The following MDGA1 variants were observed in gnomAD, a reference collection of about 807,000 sequenced individuals.
The protein encoded by MDGA1 is MAM domain-containing glycosylphosphatidylinositol anchor protein 1.
In MDGA1, 54 loss-of-function variants were observed where a neutral mutation model predicts 101.5. The ratio of observed to expected loss-of-function variants is 0.53; its 90% CI spans 0.43 to 0.67. MDGA1 has a LOEUF of 0.67. Ranked by LOEUF, MDGA1 falls within the 30% of genes least tolerant of loss-of-function variation. The pLI is 0.00. For synonymous variants in MDGA1, 533 were observed against 558.3 expected (o/e 0.95, Z 0.64); for missense variants, 1,083 against 1,323.8 (o/e 0.82, Z 2.82).
intron 1 of MDGA1, among the ~76,000 whole-genome samples, chr6:37,681,477 C>T (rs893448025): frequency 1.3e-5 from 2 of 152,116 alleles, no homozygotes; most frequent in East Asian, 1.9e-4. Context: ...GGAGGGGCAG[C>T]GAGATAAAGG....
chr6:37,683,572 G>A (rs1360364882), intron 1 of MDGA1, among the ~76,000 whole-genome samples: 2 of 152,246 alleles, frequency 1.3e-5, no homozygotes, highest in African/African-American at 4.8e-5. Context: ...GCCTGTGTGT[G>A]CAGTGGTTTA....
Position 37,637,045 on chromosome 6 carries a change from T to A in MDGA1, c.*323A>T. The A allele has an allele frequency of 4.2e-6, 1 of 239,854 alleles. No individual in the cohort carries two copies. The highest frequency in any genetic ancestry group is 1.3e-3 in the Middle Eastern group (1 of 782). The allele number at this position is 239,854 out of a possible 1,614,324, so 14.9% of individuals were successfully genotyped here. A position where few individuals can be genotyped will look rare whatever the true frequency, so the allele number is the denominator to read the frequency against. ...CCTATGTTGCGCCGAGGTCCCTGGG[T>A]TGGCGGATGCCATTCAGGCAAGTCC... is the stretch of plus-strand genomic sequence containing the variant. On this transcript the variant is annotated 3_prime_UTR_variant, in exon 17 of 17. Coordinates refer to ENST00000434837, the MANE Select transcript of MDGA1 (RefSeq NM_153487.4).
At chr6:37,639,966 G>A (rs1433772568) in intron 14 of MDGA1, 1 of 152,164 alleles carries the variant, frequency 6.6e-6, no homozygotes, top group Admixed American at 6.5e-5. Context: ...TTTAATTATT[G>A]GAACTGATAG....
At position 37,649,111 on chromosome 6, in the gene MDGA1, GAAC is replaced by G. The variant is rs915125445; in HGVS notation, c.1762_1764del (p.Val588del). 146 of 1,520,846 alleles carry G rather than the reference GAAC, an allele frequency of 9.6e-5. No individual in the cohort carries two copies. The highest frequency in any genetic ancestry group is 1.2e-4 in the Non-Finnish European group (137 of 1,137,328). 94.2% of individuals were successfully genotyped at this position (1,520,846 alleles called of 1,614,324 possible). A position where few individuals can be genotyped will look rare whatever the true frequency, so the allele number is the denominator to read the frequency against. On this transcript the variant is annotated inframe_deletion, in exon 9 of 17. Coordinates refer to ENST00000434837, the MANE Select transcript of MDGA1 (RefSeq NM_153487.4). ...TGATCCGGCGCCTCGGCGGCGGCGG[GAAC>G]AACAGGCGGCGGCGGCAGCAGCTGC...
At chr6:37,686,544 A>G (rs1283336119) in intron 1 of MDGA1, among the ~76,000 whole-genome samples, 1 of 151,574 alleles carries the variant, frequency 6.6e-6, no homozygotes, top group Non-Finnish European at 1.5e-5. Context: ...CTCCTGCCTC[A>G]GCCTCCCGAG....
intron 1 of MDGA1, among the ~76,000 whole-genome samples, chr6:37,682,074 A>C (rs971485468): frequency 6.6e-6 from 1 of 152,232 alleles, no homozygotes; most frequent in Non-Finnish European, 1.5e-5. Flanking sequence ...TGCAAATGAG[A>C]ATCTAGATCT....
intron 14 of MDGA1, 51 bp downstream of exon 14, chr6:37,643,758 T>C (rs1021778159): frequency 6.2e-7 from 1 of 1,606,456 alleles, no homozygotes; most frequent in African/African-American, 1.3e-5. Flanking sequence ...CCCACTCCCC[T>C]CCCATCCTCC....
intron 1 of MDGA1, among the ~76,000 whole-genome samples, chr6:37,689,281 C>T (rs1004486289): frequency 2.0e-5 from 3 of 152,230 alleles, no homozygotes; most frequent in Non-Finnish European, 2.9e-5. Flanking sequence ...ATGGTTTCAA[C>T]CCACATCCTT....
chr6:37,639,334 C>T (rs1357514187), intron 14 of MDGA1: 1 of 152,332 alleles, frequency 6.6e-6, no homozygotes, highest in Non-Finnish European at 1.5e-5. Flanking sequence ...CTGGATGTAT[C>T]GGATTTGCCC....
In MDGA1 at chr6:37,655,828, T is replaced by G. The variant is rs779428172; in HGVS notation, c.451A>C (p.Lys151Gln). The G allele has an allele frequency of 2.5e-6, 4 of 1,613,614 alleles. No homozygotes were observed. The highest frequency in any genetic ancestry group is 3.4e-6 in the Non-Finnish European group (4 of 1,179,814). ...SDVRGNFYQE[K>Q]TVFLRCTVNS... ...ACAGTACAGCGCAGGAACACCGTCT[T>G]CTCCTGGTAGAAGTTGCCTCGCACA... Residue 151 changes from lysine to glutamine, a missense_variant, in exon 4 of 17, where the codon AAG becomes CAG. Coordinates refer to ENST00000434837, the MANE Select transcript of MDGA1 (RefSeq NM_153487.4). The surrounding 1 kb of genome is among the most constrained non-coding windows in gnomAD (Gnocchi z 5.1).
rs1442058063 is a variant in MDGA1 at position 37,667,291 on chromosome 6, G to T, written c.68-3185C>A. On this transcript the variant is annotated intron_variant, in intron 1 of 16. Coordinates refer to ENST00000434837, the MANE Select transcript of MDGA1 (RefSeq NM_153487.4). ...TCCAGGTGACCATCCTGCCTGCCTG[G>T]CTGCCACAGAGGAATGAACCTGGCT... is the stretch of plus-strand genomic sequence containing the variant. Among the ~76,000 whole-genome samples the T allele has an allele frequency of 7.9e-5, 12 of 152,324 alleles. 1 individual carries two copies. In the East Asian group the frequency reaches 2.3e-3, roughly 29 times the overall value.
In MDGA1 at chr6:37,650,138, C is replaced by T. The variant is rs746200439; in HGVS notation, c.1580G>A (p.Arg527His). ...CACGTTCAGCTGCACCTGGGCCTCA[C>T]GGGGGCGCACGTTGAAGCCATTATA... ...ARYNGFNVRP[R>H]EAQVQLNVQF... The change falls in exon 8 of 17, where the codon CGT becomes CAT. Residue 527 changes from arginine to histidine, a missense_variant. Physicochemically the swap from Arg to His is conservative, Grantham distance 29 (BLOSUM62 0). This residue lies in a region of MDGA1 where 657 missense variants were observed against 771.4 expected (regional missense o/e 0.85). Transcript: ENST00000434837. 3.1e-6 allele frequency: 5 copies of T among 1,606,198 alleles called. No homozygotes were observed. The highest frequency in any genetic ancestry group is 1.1e-5 in the South Asian group (1 of 90,788).
chr6:37,678,802 C>G (rs1762034954), intron 1 of MDGA1, among the ~76,000 whole-genome samples: 1 of 151,918 alleles, frequency 6.6e-6, no homozygotes, highest in South Asian at 2.1e-4. Flanking sequence ...CCCGCCCGCC[C>G]CCACCTCCAT....
At chr6:37,690,772 C>CA (rs11388608) in intron 1 of MDGA1, among the ~76,000 whole-genome samples, 38,122 of 128,110 alleles carry the variant, frequency 0.3, 5,659 homozygotes, top group East Asian at 0.38. Flanking sequence ...GACTCCACCT[C>CA]AAAAAAAAAA....
In MDGA1 at chr6:37,685,042, T is replaced by C. The variant is rs116185031; in HGVS notation, c.67+11703A>G. Among the ~76,000 whole-genome samples, 613 of 152,276 alleles carry C rather than the reference T, an allele frequency of 4.0e-3. 4 individuals carry two copies. The highest frequency in any genetic ancestry group is 5.9e-3 in the Non-Finnish European group (400 of 68,016). ...GGCAGCTGGGGACAGTGGCTCATAC[T>C]TGTAATCTGAGCACTTTGGGAGGCC... On this transcript the variant is annotated intron_variant, in intron 1 of 16. Coordinates refer to ENST00000434837, the MANE Select transcript of MDGA1 (RefSeq NM_153487.4).
chr6:37,650,244 C>T lies in MDGA1; in HGVS notation c.1474G>A (p.Glu492Lys). The T allele has an allele frequency of 6.2e-7, 1 of 1,610,620 alleles. No homozygotes were observed. Among genetic ancestry groups the T allele is most frequent in the Non-Finnish European group, 8.5e-7 (1 of 1,179,228 alleles). Reference protein sequence around the residue: ...AALLPSGLPLEETPDGKLRLE... With the variant: ...AALLPSGLPLKETPDGKLRLE... The stretch of plus-strand genomic sequence containing the variant: ...CGCAGCTTCCCGTCCGGAGTCTCCT[C>T]CAGGGGCAGCCCCGAGGGCAGCAGT... Residue 492 changes from glutamate (E) to lysine (K), a missense_variant, in exon 8 of 17, where the codon GAG (glutamate) becomes AAG (lysine). Around this residue, in one of 3 missense-constraint regions of MDGA1, gnomAD observed 657 missense variants for 771.4 expected, o/e 0.85. Coordinates refer to ENST00000434837, the MANE Select transcript of MDGA1 (RefSeq NM_153487.4).
At chr6:37,656,528 A>G (rs897192307) in intron 3 of MDGA1, among the ~76,000 whole-genome samples, 1 of 151,722 alleles carries the variant, frequency 6.6e-6, no homozygotes, top group Non-Finnish European at 1.5e-5. Context: ...ATGCACCACC[A>G]CACCTGGCTA....
chr6:37,696,893 C>T lies in MDGA1; in HGVS notation c.-82G>A, dbSNP rs1429244846. 2.8e-6 allele frequency: 3 copies of T among 1,082,188 alleles called. No homozygotes were observed. Among genetic ancestry groups the T allele is most frequent in the Non-Finnish European group, 4.2e-6 (3 of 721,726 alleles). 67.0% of individuals were successfully genotyped at this position (1,082,188 alleles called of 1,614,324 possible). On this transcript the variant is annotated 5_prime_UTR_variant, in exon 1 of 17. Transcript: ENST00000434837. This position sits in a 1 kb window ranked among gnomAD's most constrained non-coding sequence, Gnocchi z 5.6. ...GCGCATTCGCCGGGGCCCCGCGACG[C>T]CCCTATGTCCCCCCCTTTCCCTGAG...
chr6:37,684,321 T>C (rs1202314326), intron 1 of MDGA1, among the ~76,000 whole-genome samples: 3 of 152,166 alleles, frequency 2.0e-5, no homozygotes, highest in Non-Finnish European at 4.4e-5. Flanking sequence ...AGCCCTGACA[T>C]TTCCAATAAG....
Sources: gnomAD v4.1 joint callset for allele counts (sites outside exome capture counted in the v4.1 genomes callset) on GRCh38, gnomAD v4.1.1 for gene constraint, gnomAD v4.1.1 regional missense constraint, Gnocchi (gnomAD v3.1) non-coding constraint, MANE v1.5 for transcripts, NCBI Gene and HGNC (gene_info 2026-07-23, HGNC 2026-07-21) for gene names.